The following UNC5C variants were observed in gnomAD, a reference collection of about 807,000 sequenced individuals.
UNC5C encodes the protein unc-5 netrin receptor C.
In UNC5C, 47 loss-of-function variants were observed where a neutral mutation model predicts 99.8. That is an observed-to-expected ratio of 0.47 (90% CI 0.37 to 0.60). The LOEUF (loss-of-function observed/expected upper bound fraction) is 0.60, where lower values mean the gene tolerates loss of function less well. Among genes scored for constraint, UNC5C ranks in the 20% least tolerant of loss-of-function variants. UNC5C has a pLI of 0.00. For missense variants in UNC5C, 1,062 were observed against 1,165.9 expected (o/e 0.91, Z 1.30); for synonymous variants, 487 against 452.2 (o/e 1.08, Z -0.98).
At position 95,245,251 on chromosome 4, in the gene UNC5C, C is replaced by CG. The variant is rs1371775431; in HGVS notation, c.776-108dup. Reference sequence around the variant, plus strand: ...TGTAAACAAAGAGTTATTTTCCAAGCGACCATTATAAAAATCCAAAATTTC... The same window carrying CG: ...TGTAAACAAAGAGTTATTTTCCAAGCGGACCATTATAAAAATCCAAAATTTC... On this transcript the variant is annotated intron_variant, in intron 5 of 15. Coordinates refer to ENST00000453304, the MANE Select transcript of UNC5C (RefSeq NM_003728.4). 6.2e-6 allele frequency: 8 copies of CG among 1,287,006 alleles called. No individual in the cohort carries two copies. The East Asian group carries it at 2.3e-4, about 37-fold the overall frequency. The allele number at this position is 1,287,006 out of a possible 1,614,324, so 79.7% of individuals were successfully genotyped here. A position where few individuals can be genotyped will look rare whatever the true frequency, so the allele number is the denominator to read the frequency against.
At chr4:95,346,401 G>A (rs1365566737) in intron 1 of UNC5C, among the ~76,000 whole-genome samples, 1 of 151,936 alleles carries the variant, frequency 6.6e-6, no homozygotes, top group South Asian at 2.1e-4. Context: ...AAAAAATGAA[G>A]GAGCAGGGAA....
intron 3 of UNC5C, among the ~76,000 whole-genome samples, chr4:95,286,413 G>A (rs568754531): frequency 6.6e-6 from 1 of 152,286 alleles, no homozygotes; most frequent in South Asian, 2.1e-4. Context: ...GAATTGATTC[G>A]TTGATTATGG....
At chr4:95,269,914 C>G (rs1350102499) in intron 4 of UNC5C, among the ~76,000 whole-genome samples, 1 of 151,896 alleles carries the variant, frequency 6.6e-6, no homozygotes, top group African/African-American at 2.4e-5. Context: ...GAGATTTCAC[C>G]ATGTTGGTCA....
chr4:95,417,954 T>C (rs1746214956), intron 1 of UNC5C, among the ~76,000 whole-genome samples: 1 of 152,222 alleles, frequency 6.6e-6, no homozygotes, highest in African/African-American at 2.4e-5. Context: ...TCAGTTAGAC[T>C]CTTGCTGTAT....
chr4:95,387,998 A>G (rs968386806), intron 1 of UNC5C, among the ~76,000 whole-genome samples: 9 of 152,206 alleles, frequency 5.9e-5, no homozygotes, highest in Non-Finnish European at 1.0e-4. Flanking sequence ...TCAATGAGTA[A>G]GCACATTTGC....
At chr4:95,282,229 C>G in intron 3 of UNC5C, among the ~76,000 whole-genome samples, 1 of 152,132 alleles carries the variant, frequency 6.6e-6, no homozygotes. Flanking sequence ...AAGTTAGCAT[C>G]AGAGCAGCCA....
chr4:95,412,105 T>G (rs146698153), intron 1 of UNC5C, among the ~76,000 whole-genome samples: 154 of 152,202 alleles, frequency 1.0e-3, no homozygotes, highest in African/African-American at 3.6e-3. Context: ...CGTGAGCTTC[T>G]TCATCTCATC....
At chr4:95,292,236 CATATATATATATAT>C (rs71583696) in intron 3 of UNC5C, among the ~76,000 whole-genome samples, 36 of 88,754 alleles carry the variant, frequency 4.1e-4, no homozygotes, top group African/African-American at 9.8e-4. Flanking sequence ...CACACACACA[CATATATATATATAT>C]ATATATATAT....
intron 14 of UNC5C, among the ~76,000 whole-genome samples, chr4:95,181,799 C>CTGA (rs1736623826): frequency 1.3e-5 from 2 of 152,188 alleles, no homozygotes; most frequent in Non-Finnish European, 2.9e-5. Context: ...GTAGCGGAAG[C>CTGA]TGATGTGCTT....
chr4:95,321,832 CA>C (rs1427762568), intron 2 of UNC5C, among the ~76,000 whole-genome samples: 1 of 152,154 alleles, frequency 6.6e-6, no homozygotes, highest in Non-Finnish European at 1.5e-5. Context: ...GTGACATTAT[CA>C]GATTAACTCA....
At chr4:95,359,278 A>G (rs976133975) in intron 1 of UNC5C, among the ~76,000 whole-genome samples, 1 of 152,150 alleles carries the variant, frequency 6.6e-6, no homozygotes, top group African/African-American at 2.4e-5. Flanking sequence ...ATTACTTTAG[A>G]CCTACTTCTA....
At chr4:95,422,911 G>A (rs1213284328) in intron 1 of UNC5C, among the ~76,000 whole-genome samples, 1 of 152,136 alleles carries the variant, frequency 6.6e-6, no homozygotes. Flanking sequence ...GAGGAAGGTC[G>A]CTGGGATTAG....
chr4:95,191,741 A>C (rs1233650476), intron 12 of UNC5C, among the ~76,000 whole-genome samples: 14 of 97,206 alleles, frequency 1.4e-4, no homozygotes, highest in Admixed American at 4.3e-4. Flanking sequence ...CCTTTCTCAC[A>C]TCCTCCTCTG....
At chr4:95,240,637 CACAA>C (rs938546000) in intron 7 of UNC5C, among the ~76,000 whole-genome samples, 7 of 152,046 alleles carry the variant, frequency 4.6e-5, no homozygotes, top group South Asian at 2.1e-4. Flanking sequence ...CAAACACAAA[CACAA>C]ACAAACAAAC....
chr4:95,528,830 C>T (rs891349240), intron 1 of UNC5C, among the ~76,000 whole-genome samples: 7 of 151,894 alleles, frequency 4.6e-5, no homozygotes, highest in East Asian at 1.9e-4. Flanking sequence ...TGGAAAGAGG[C>T]GATGAGAGGA....
intron 2 of UNC5C, among the ~76,000 whole-genome samples, chr4:95,306,620 T>C (rs2149406166): frequency 6.6e-6 from 1 of 152,342 alleles, no homozygotes; most frequent in East Asian, 1.9e-4. Context: ...CATGTATATT[T>C]CTTTCAAAAG....
At position 95,229,797 on chromosome 4, in the gene UNC5C, CTTT is replaced by C. The variant is rs71583694; in HGVS notation, c.1109-9624_1109-9622del. On this transcript the variant is annotated intron_variant, in intron 7 of 15. Transcript: ENST00000453304. ...TATCCTCCCCAGAATCTGTTGTTTC[CTTT>C]TTTTTTTTTTTTTTTTTTTTTTTTT... is the stretch of plus-strand genomic sequence containing the variant. Among the ~76,000 whole-genome samples the C allele has an allele frequency of 2.8e-3, 226 of 79,482 alleles. 1 individual carries two copies. Among genetic ancestry groups the C allele is most frequent in the African/African-American group, 0.014 (216 of 15,932 alleles). 52.1% of individuals were successfully genotyped at this position (79,482 alleles called of 152,430 possible). A position where few individuals can be genotyped will look rare whatever the true frequency, so the allele number is the denominator to read the frequency against.
chr4:95,219,745 C>G (rs531184236), intron 8 of UNC5C, among the ~76,000 whole-genome samples: 5 of 152,162 alleles, frequency 3.3e-5, no homozygotes, highest in African/African-American at 1.2e-4. Flanking sequence ...TCAGGGTACT[C>G]TTTTCGATTA....
At chr4:95,344,412 T>A (rs1743693184) in intron 1 of UNC5C, among the ~76,000 whole-genome samples, 1 of 152,128 alleles carries the variant, frequency 6.6e-6, no homozygotes, top group Non-Finnish European at 1.5e-5. Flanking sequence ...AGAGATTTTA[T>A]CAACACCAGA....
Sources: gnomAD v4.1 joint callset for allele counts (sites outside exome capture counted in the v4.1 genomes callset) on GRCh38, gnomAD v4.1.1 for gene constraint, MANE v1.5 for transcripts, NCBI Gene and HGNC (gene_info 2026-07-23, HGNC 2026-07-21) for gene names.